The following AKT3 variants were observed in gnomAD, a reference collection of about 807,000 sequenced individuals.
AKT3 encodes AKT serine/threonine kinase 3.
AKT3 carries 15 observed loss-of-function variants against 65.3 expected under a neutral mutation model. The observed-to-expected ratio is 0.23, with a 90% CI of 0.15 to 0.35. AKT3 has a LOEUF of 0.35. Ranked by LOEUF, AKT3 falls within the 10% of genes least tolerant of loss-of-function variation. The probability of loss-of-function intolerance (pLI) is 1.00; values close to 1 mark genes in which losing one functional copy is unlikely to be tolerated. For missense variants in AKT3, 243 were observed against 576.5 expected, an observed-to-expected ratio of 0.42 and a Z score of 5.92; for synonymous variants, 206 against 183.8, an observed-to-expected ratio of 1.12 and a Z score of -0.98.
rs1553387804 is a variant in AKT3, at chr1:243,500,229, T to TATCAA, written c.*5015_*5019dup. ...TTCATTTTTCTTTTCATGATCTATA[T>TATCAA]ATCAATCATCCTTCACCTTTAATCA... On this transcript the variant is annotated 3_prime_UTR_variant, in exon 14 of 14. Transcript: ENST00000673466. 4.0e-6 allele frequency: 1 copy of TATCAA among 252,224 alleles called. No individual in the cohort carries two copies. The highest frequency in any genetic ancestry group is 5.7e-5 in the East Asian group (1 of 17,680). 15.6% of individuals were successfully genotyped at this position (252,224 alleles called of 1,614,324 possible). A position where few individuals can be genotyped will look rare whatever the true frequency, so the allele number is the denominator to read the frequency against.
chr1:243,594,402 T>C (rs1239766215), intron 8 of AKT3, among the ~76,000 whole-genome samples: 3 of 152,126 alleles, frequency 2.0e-5, no homozygotes, highest in Admixed American at 6.5e-5. Flanking sequence ...TATATGAAAA[T>C]GCAGAGGACA....
Position 243,756,688 on chromosome 1 carries a change from T to C in AKT3, c.47-60972A>G, listed in dbSNP as rs560124934. Reference sequence around the variant, plus strand: ...GACATTCATCTTAGTCACAACTAAGTTAGGCAAGAAACATCAATAAATGCT... The same window carrying C: ...GACATTCATCTTAGTCACAACTAAGCTAGGCAAGAAACATCAATAAATGCT... On this transcript the variant is annotated intron_variant, in intron 2 of 13. Coordinates refer to ENST00000673466, the MANE Select transcript of AKT3 (RefSeq NM_005465.7). 2.6e-5 allele frequency among the ~76,000 whole-genome samples: 4 copies of C among 152,288 alleles called. No individual in the cohort carries two copies. The East Asian group carries it at 7.7e-4, about 29-fold the overall frequency.
At chr1:243,568,981 A>C (rs1283784387) in intron 9 of AKT3, among the ~76,000 whole-genome samples, 1 of 152,260 alleles carries the variant, frequency 6.6e-6, no homozygotes, top group African/African-American at 2.4e-5. Flanking sequence ...AAAGGAATGA[A>C]AATAGCAGTT....
chr1:243,632,293 G>A (rs1226752608), intron 6 of AKT3, among the ~76,000 whole-genome samples: 4 of 152,184 alleles, frequency 2.6e-5, no homozygotes, highest in African/African-American at 9.7e-5. Context: ...CTGACGCTGG[G>A]TTAGCAGGCA....
chr1:243,711,300 C>T (rs1350540204), intron 2 of AKT3, among the ~76,000 whole-genome samples: 4 of 152,140 alleles, frequency 2.6e-5, no homozygotes, highest in Non-Finnish European at 5.9e-5. Context: ...TGCACTCCAG[C>T]CTGGGTGACG....
chr1:243,837,165 A>G (rs946206999), intron 2 of AKT3, among the ~76,000 whole-genome samples: 1 of 152,268 alleles, frequency 6.6e-6, no homozygotes, highest in Non-Finnish European at 1.5e-5. Flanking sequence ...TACTAAAAAA[A>G]TAAAAATAAG....
intron 6 of AKT3, among the ~76,000 whole-genome samples, chr1:243,634,365 C>A (rs1679823663): frequency 6.6e-6 from 1 of 151,694 alleles, no homozygotes. Flanking sequence ...CACATACTAC[C>A]TAAGATAAAG....
At chr1:243,493,729 G>A (rs889674828) in intron 13 of AKT3, among the ~76,000 whole-genome samples, 1 of 151,994 alleles carries the variant, frequency 6.6e-6, no homozygotes, top group African/African-American at 2.4e-5. Flanking sequence ...ATTTAAACTT[G>A]TGCATGGATC....
At chr1:243,755,702 T>C (rs1344942514) in intron 2 of AKT3, among the ~76,000 whole-genome samples, 1 of 152,114 alleles carries the variant, frequency 6.6e-6, no homozygotes, top group Non-Finnish European at 1.5e-5. Flanking sequence ...AAATAGCAAA[T>C]CATATTTGTA....
chr1:243,788,255 A>C (rs945784003), intron 2 of AKT3, among the ~76,000 whole-genome samples: 1 of 152,228 alleles, frequency 6.6e-6, no homozygotes, highest in Admixed American at 6.5e-5. Flanking sequence ...TAGGAAAAAA[A>C]CATGCTGAAA....
intron 12 of AKT3, among the ~76,000 whole-genome samples, chr1:243,526,984 A>C (rs1031133926): frequency 2.0e-5 from 3 of 152,092 alleles, no homozygotes; most frequent in African/African-American, 7.2e-5. Flanking sequence ...CTCAATAAAA[A>C]ATTAACAAAA....
intron 2 of AKT3, among the ~76,000 whole-genome samples, chr1:243,802,003 G>C (rs1192688762): frequency 6.6e-6 from 1 of 152,070 alleles, no homozygotes; most frequent in African/African-American, 2.4e-5. Flanking sequence ...AACAATAGTG[G>C]GGGCTAATAT....
chr1:243,795,917 A>G (rs1430625060), intron 2 of AKT3, among the ~76,000 whole-genome samples: 1 of 152,162 alleles, frequency 6.6e-6, no homozygotes. Flanking sequence ...ACAAGGGCAC[A>G]TAGGGAGAAA....
intron 8 of AKT3, among the ~76,000 whole-genome samples, chr1:243,596,492 T>C (rs1354624844): frequency 6.6e-6 from 1 of 152,196 alleles, no homozygotes; most frequent in African/African-American, 2.4e-5. Flanking sequence ...AGACATTTCC[T>C]ATCATTAGTC....
intron 4 of AKT3, among the ~76,000 whole-genome samples, chr1:243,649,859 T>G (rs769899625): frequency 5.9e-4 from 90 of 152,310 alleles, no homozygotes; most frequent in South Asian, 2.1e-3. Context: ...TTGTGAATAG[T>G]GCCGCAATAA....
intron 3 of AKT3, among the ~76,000 whole-genome samples, chr1:243,688,190 A>G (rs1684466644): frequency 6.6e-6 from 1 of 152,180 alleles, no homozygotes; most frequent in Non-Finnish European, 1.5e-5. Flanking sequence ...TCAAGTGATA[A>G]AATGATTAAA....
intron 3 of AKT3, among the ~76,000 whole-genome samples, chr1:243,690,248 G>A (rs987401584): frequency 1.3e-5 from 2 of 152,002 alleles, no homozygotes; most frequent in African/African-American, 4.8e-5. Flanking sequence ...CTCCATGTGG[G>A]AACTACTCCC....
At chr1:243,574,472 GCAT>G (rs1489585610) in intron 8 of AKT3, among the ~76,000 whole-genome samples, 1 of 152,014 alleles carries the variant, frequency 6.6e-6, no homozygotes, top group Non-Finnish European at 1.5e-5. Context: ...AATTGGGACT[GCAT>G]CATCATTTTA....
intron 12 of AKT3, among the ~76,000 whole-genome samples, chr1:243,523,402 T>C (rs938402009): frequency 6.6e-6 from 1 of 151,882 alleles, no homozygotes; most frequent in Non-Finnish European, 1.5e-5. Context: ...AAATCACAAG[T>C]AGTACTTCCT....
Sources: gnomAD v4.1 joint callset for allele counts (sites outside exome capture counted in the v4.1 genomes callset) on GRCh38, gnomAD v4.1.1 for gene constraint, MANE v1.5 for transcripts, NCBI Gene and HGNC (gene_info 2026-07-23, HGNC 2026-07-21) for gene names.